Variants in GPHN observed in about 807,000 individuals in gnomAD.
GPHN encodes the protein gephyrin.
In GPHN, 17 loss-of-function variants were observed where a neutral mutation model predicts 95.5. The ratio of observed to expected loss-of-function variants is 0.18; its 90% CI spans 0.12 to 0.27. The LOEUF (loss-of-function observed/expected upper bound fraction) is 0.27. Among genes scored for constraint, GPHN ranks in the 10% least tolerant of loss-of-function variants. GPHN has a pLI of 1.00. For synonymous variants in GPHN, 320 were observed against 322.5 expected (o/e 0.99, Z 0.08); for missense variants, 660 against 978.1 (o/e 0.67, Z 4.34).
chr14:67,581,108 C>A, the GPHN span: 1 of 938,086 alleles, frequency 1.1e-6, no homozygotes, highest in Non-Finnish European at 1.8e-6. Flanking sequence ...ATCGCCTCCT[C>A]GACTAGACAG....
At chr14:67,598,596 C>G in the GPHN span, among the ~76,000 whole-genome samples, 10 of 152,106 alleles carry the variant, frequency 6.6e-5, no homozygotes, top group South Asian at 1.9e-3. Context: ...CTCACATGAC[C>G]ACATACATAG....
chr14:66,800,663 G>A (rs997816299), intron 3 of GPHN, among the ~76,000 whole-genome samples: 1 of 151,940 alleles, frequency 6.6e-6, no homozygotes, highest in African/African-American at 2.4e-5. Flanking sequence ...ATACCATGAG[G>A]TATTAAATAA....
At chr14:67,460,307 G>A in the GPHN span, among the ~76,000 whole-genome samples, 1 of 152,084 alleles carries the variant, frequency 6.6e-6, no homozygotes. Flanking sequence ...TGGACCATGT[G>A]GCCTTGAACA....
In GPHN at chr14:66,814,408, C is replaced by T. The variant is rs569524902; in HGVS notation, c.202-10066C>T. On this transcript the variant is annotated intron_variant, in intron 3 of 22. Transcript: ENST00000478722. ...ACCTGCAGGGAGGCAGGCACCCCTG[C>T]ATCTGTTAGCACTCTTCTGCAGATG... Among the ~76,000 whole-genome samples the T allele has an allele frequency of 3.3e-5, 5 of 152,292 alleles. No homozygotes were observed. In the South Asian group the frequency reaches 1.0e-3, roughly 32 times the overall value.
At chr14:67,583,775 C>T in the GPHN span, 2 of 1,612,372 alleles carry the variant, frequency 1.2e-6, no homozygotes, top group Non-Finnish European at 1.7e-6. Context: ...CCTGCCCTGC[C>T]AGGCCCTGGA....
At chr14:66,569,281 T>C (rs1225672678) in intron 1 of GPHN, among the ~76,000 whole-genome samples, 6 of 152,214 alleles carry the variant, frequency 3.9e-5, no homozygotes, top group East Asian at 1.9e-4. Flanking sequence ...TGAATTAAAA[T>C]ATAGTTAATA....
intron 8 of GPHN, among the ~76,000 whole-genome samples, chr14:66,959,992 TA>T (rs1357324941): frequency 5.9e-5 from 9 of 152,066 alleles, no homozygotes; most frequent in African/African-American, 2.2e-4. Context: ...TTAATCACCT[TA>T]TTTTCAGCTC....
chr14:67,178,978 A>G (rs752496122), intron 21 of GPHN, among the ~76,000 whole-genome samples: 1 of 152,220 alleles, frequency 6.6e-6, no homozygotes, highest in Non-Finnish European at 1.5e-5. Flanking sequence ...GCTATCCTTC[A>G]GGAATGAGGG....
the GPHN span, among the ~76,000 whole-genome samples, chr14:67,197,817 T>C: frequency 2.0e-5 from 3 of 152,194 alleles, no homozygotes; most frequent in Non-Finnish European, 2.9e-5. Context: ...GCTACCCTAA[T>C]AGGTGTCTCC....
Position 66,691,504 on chromosome 14 carries a change from A to G in GPHN, c.143+10319A>G, listed in dbSNP as rs547219413. On this transcript the variant is annotated intron_variant, in intron 2 of 22. Coordinates refer to ENST00000478722, the MANE Select transcript of GPHN (RefSeq NM_020806.5). ...GACCCATGAACATTTTTAAGTGATT[A>G]AAAAAAATTTTTAATGAATATTTTA... Among the ~76,000 whole-genome samples the G allele has an allele frequency of 4.6e-5, 7 of 152,172 alleles. No homozygotes were observed. The South Asian group carries it at 1.5e-3, about 32-fold the overall frequency.
the GPHN span, chr14:67,392,605 G>T: frequency 6.6e-7 from 1 of 1,505,102 alleles, no homozygotes; most frequent in Non-Finnish European, 9.2e-7. Context: ...CCCCCATTCT[G>T]TTGTGTCTTC....
At chr14:66,701,690 G>A (rs565995874) in intron 2 of GPHN, among the ~76,000 whole-genome samples, 3 of 152,244 alleles carry the variant, frequency 2.0e-5, no homozygotes, top group South Asian at 2.1e-4. Context: ...GTGAACCTAC[G>A]CTACCAGGGC....
the GPHN span, chr14:67,642,114 T>C: frequency 2.8e-6 from 4 of 1,433,166 alleles, no homozygotes; most frequent in Admixed American, 1.8e-5. Context: ...CGTATTATCA[T>C]TGTGGCCCAG....
chr14:66,844,140 G>GAA (rs1318844991), intron 4 of GPHN, among the ~76,000 whole-genome samples: 1 of 151,774 alleles, frequency 6.6e-6, no homozygotes, highest in African/African-American at 2.4e-5. Flanking sequence ...TTTTTCCTTT[G>GAA]AGAATATCAT....
At chr14:67,290,774 GT>G in the GPHN span, among the ~76,000 whole-genome samples, 10 of 151,986 alleles carry the variant, frequency 6.6e-5, no homozygotes, top group African/African-American at 2.4e-4. Flanking sequence ...GACTCAAGCA[GT>G]CCACCTGCTT....
chr14:67,441,561 T>C, the GPHN span, among the ~76,000 whole-genome samples: 1 of 152,132 alleles, frequency 6.6e-6, no homozygotes, highest in Admixed American at 6.5e-5. Flanking sequence ...ATTTTATGTG[T>C]CAACTTGACC....
chr14:67,709,679 G>C, the GPHN span, among the ~76,000 whole-genome samples: 1 of 152,186 alleles, frequency 6.6e-6, no homozygotes, highest in African/African-American at 2.4e-5. Context: ...CAGGAATACA[G>C]TTTATTTTGA....
At chr14:67,019,973 G>A (rs2073517590) in intron 9 of GPHN, among the ~76,000 whole-genome samples, 1 of 152,160 alleles carries the variant, frequency 6.6e-6, no homozygotes, top group Admixed American at 6.5e-5. Context: ...GTATCTTAAT[G>A]GGCTTGTGTG....
the GPHN span, among the ~76,000 whole-genome samples, chr14:67,415,445 C>T: frequency 6.6e-6 from 1 of 152,162 alleles, no homozygotes; most frequent in Admixed American, 6.5e-5. Flanking sequence ...TGTACATACA[C>T]ATTTTGCCAG....
Sources: gnomAD v4.1 joint callset for allele counts (sites outside exome capture counted in the v4.1 genomes callset) on GRCh38, gnomAD v4.1.1 for gene constraint, MANE v1.5 for transcripts, NCBI Gene and HGNC (gene_info 2026-07-23, HGNC 2026-07-21) for gene names.